TMEFF2: variants seen among roughly 807,000 people sequenced by gnomAD.
The protein encoded by TMEFF2 is transmembrane protein with EGF like and two follistatin like domains 2.
Under a neutral mutation model 53.8 loss-of-function variants are expected in TMEFF2, and 28 were observed. The ratio of observed to expected loss-of-function variants is 0.52; its 90% CI spans 0.39 to 0.71. The LOEUF is 0.71. TMEFF2 is among the 30% of genes least tolerant of loss of function. TMEFF2 has a pLI of 0.00. For missense variants in TMEFF2, 353 were observed against 455.2 expected (o/e 0.78, Z 2.04); for synonymous variants, 162 against 166.3 (o/e 0.97, Z 0.20).
intron 4 of TMEFF2, among the ~76,000 whole-genome samples, chr2:192,122,109 A>C (rs1689570226): frequency 6.6e-6 from 1 of 152,154 alleles, no homozygotes; most frequent in Admixed American, 6.6e-5. Flanking sequence ...CAATTACTAT[A>C]ATTTGATCAT....
chr2:192,154,285 A>T (rs1690455252), intron 4 of TMEFF2, among the ~76,000 whole-genome samples: 1 of 151,978 alleles, frequency 6.6e-6, no homozygotes, highest in South Asian at 2.1e-4. Context: ...AACTCTCTCT[A>T]GTGAATAGTT....
At chr2:192,033,918 G>T (rs574136653) in intron 5 of TMEFF2, among the ~76,000 whole-genome samples, 1 of 151,976 alleles carries the variant, frequency 6.6e-6, no homozygotes, top group Non-Finnish European at 1.5e-5. Context: ...GCTCACGCCC[G>T]TAATCCCAGC....
At chr2:191,974,196 A>G (rs766489473) in intron 7 of TMEFF2, among the ~76,000 whole-genome samples, 1 of 152,218 alleles carries the variant, frequency 6.6e-6, no homozygotes, top group Non-Finnish European at 1.5e-5. Flanking sequence ...TGAAAGAGTC[A>G]GTCATCTGGA....
intron 4 of TMEFF2, among the ~76,000 whole-genome samples, chr2:192,136,998 A>T (rs1454744705): frequency 1.3e-5 from 2 of 152,242 alleles, no homozygotes; most frequent in Non-Finnish European, 2.9e-5. Context: ...GAAAGAGAAG[A>T]AATGATTAAA....
chr2:192,116,731 G>A (rs1439094341), intron 4 of TMEFF2, among the ~76,000 whole-genome samples: 8 of 151,822 alleles, frequency 5.3e-5, no homozygotes, highest in Non-Finnish European at 1.2e-4. Flanking sequence ...CTGAATCTTT[G>A]TGAGATGTGA....
chr2:191,956,112 G>A, intron 8 of TMEFF2, 143 bp downstream of exon 8: 5 of 766,662 alleles, frequency 6.5e-6, no homozygotes, highest in Non-Finnish European at 1.0e-5. Flanking sequence ...ATGTGTGTAT[G>A]CATGCACAGG....
chr2:192,034,268 C>A (rs866522735), intron 5 of TMEFF2, among the ~76,000 whole-genome samples: 1 of 151,484 alleles, frequency 6.6e-6, no homozygotes, highest in African/African-American at 2.4e-5. Flanking sequence ...ATTTACAGTT[C>A]ACAAATCTTA....
At chr2:192,113,200 G>C (rs1332569694) in intron 4 of TMEFF2, among the ~76,000 whole-genome samples, 2 of 152,106 alleles carry the variant, frequency 1.3e-5, no homozygotes, top group African/African-American at 4.8e-5. Flanking sequence ...TATTGAAAAA[G>C]TATTGGCACT....
At chr2:192,113,869 T>C (rs1235316992) in intron 4 of TMEFF2, among the ~76,000 whole-genome samples, 1 of 152,126 alleles carries the variant, frequency 6.6e-6, no homozygotes, top group Non-Finnish European at 1.5e-5. Context: ...ATTATCCCCA[T>C]TGCATTGATG....
At chr2:192,120,222 C>T (rs1230039945) in intron 4 of TMEFF2, among the ~76,000 whole-genome samples, 1 of 152,166 alleles carries the variant, frequency 6.6e-6, no homozygotes, top group Non-Finnish European at 1.5e-5. Context: ...ACAACCCTGA[C>T]TGAACAGAGG....
chr2:192,060,610 G>T (rs1339172225), intron 4 of TMEFF2, among the ~76,000 whole-genome samples: 1 of 152,052 alleles, frequency 6.6e-6, no homozygotes, highest in Non-Finnish European at 1.5e-5. Flanking sequence ...CTTAGTAAAG[G>T]TCACAGTCAC....
In TMEFF2 at chr2:191,999,599, T is replaced by A. The variant is rs116269248; in HGVS notation, c.537-391A>T. ...CTCTTCCTTCTTTTCTTGGGATATT[T>A]GAATGGTTAAAGCTTGTGGAAAACT... On this transcript the variant is annotated intron_variant, in intron 5 of 9. Coordinates refer to ENST00000272771, the MANE Select transcript of TMEFF2 (RefSeq NM_016192.4). Among the ~76,000 whole-genome samples, 949 of 152,114 alleles carry A rather than the reference T, an allele frequency of 6.2e-3. 19 individuals carry two copies. Among genetic ancestry groups the A allele is most frequent in the African/African-American group, 0.022 (919 of 41,540 alleles).
intron 4 of TMEFF2, among the ~76,000 whole-genome samples, chr2:192,161,194 G>C (rs936481588): frequency 6.6e-6 from 1 of 151,912 alleles, no homozygotes; most frequent in African/African-American, 2.4e-5. Context: ...TTTGAGACAG[G>C]GTCTTGCTCT....
chr2:192,091,042 C>G (rs1559122092), intron 4 of TMEFF2, among the ~76,000 whole-genome samples: 1 of 152,128 alleles, frequency 6.6e-6, no homozygotes, highest in African/African-American at 2.4e-5. Context: ...CTGTCTCACA[C>G]ACTCAAGCTG....
intron 5 of TMEFF2, among the ~76,000 whole-genome samples, chr2:192,002,604 C>A: frequency 6.6e-6 from 1 of 151,932 alleles, no homozygotes; most frequent in South Asian, 2.1e-4. Flanking sequence ...CCAAGGTGGG[C>A]GGATCACCTG....
chr2:192,180,784 G>T (rs894466161), intron 3 of TMEFF2, among the ~76,000 whole-genome samples: 1 of 151,720 alleles, frequency 6.6e-6, no homozygotes, highest in Non-Finnish European at 1.5e-5. Context: ...GACAAATATG[G>T]AAGAAGGAAG....
chr2:192,151,369 T>C (rs1284683530), intron 4 of TMEFF2, among the ~76,000 whole-genome samples: 10 of 151,932 alleles, frequency 6.6e-5, no homozygotes, highest in African/African-American at 2.4e-4. Flanking sequence ...TTGAGAACCA[T>C]TGGTCTGCTA....
intron 5 of TMEFF2, among the ~76,000 whole-genome samples, chr2:192,033,873 C>T (rs893802737): frequency 2.6e-5 from 4 of 152,098 alleles, no homozygotes; most frequent in African/African-American, 7.2e-5. Flanking sequence ...ACCTCTTTCT[C>T]CTTTAAAAAA....
intron 2 of TMEFF2, among the ~76,000 whole-genome samples, chr2:192,189,951 G>C (rs1159610865): frequency 6.6e-6 from 1 of 151,922 alleles, no homozygotes; most frequent in Non-Finnish European, 1.5e-5. Flanking sequence ...ATGCCACAAG[G>C]ATTACAAAAA....
Sources: allele counts gnomAD v4.1 joint callset (sites outside exome capture counted in the v4.1 genomes callset), GRCh38; gene constraint gnomAD v4.1.1; transcripts MANE v1.5; gene names NCBI Gene and HGNC (gene_info 2026-07-23, HGNC 2026-07-21).